The following URB2 variants were observed in gnomAD, a reference collection of about 807,000 sequenced individuals.
The protein encoded by URB2 is URB2 ribosome biogenesis homolog, also known as unhealthy ribosome biogenesis protein 2 homolog.
URB2 carries 86 observed loss-of-function variants against 120.9 expected under a neutral mutation model. The observed-to-expected ratio is 0.71, with a 90% CI of 0.60 to 0.85. The LOEUF (loss-of-function observed/expected upper bound fraction) is 0.85, where lower values mean the gene tolerates loss of function less well. URB2 is among the 40% of genes least tolerant of loss of function. URB2 has a pLI of 0.00. For missense variants in URB2, 1,765 were observed against 1,836.5 expected, an observed-to-expected ratio of 0.96 and a Z score of 0.71; for synonymous variants, 755 against 758.4, an observed-to-expected ratio of 1.00 and a Z score of 0.07.
Position 229,659,404 on chromosome 1 carries a change from G to T in URB2, c.*107G>T. 8.5e-7 allele frequency: 1 copy of T among 1,177,210 alleles called. No individual in the cohort carries two copies. The highest frequency in any genetic ancestry group is 1.2e-6 in the Non-Finnish European group (1 of 836,194). 72.9% of individuals were successfully genotyped at this position (1,177,210 alleles called of 1,614,324 possible). ...TTAAGATGTTCTAATTCGTAGTATT[G>T]GTATACATAGAAAATCCTTTGGGGT... On this transcript the variant is annotated 3_prime_UTR_variant, in exon 10 of 10. Coordinates refer to ENST00000258243, the MANE Select transcript of URB2 (RefSeq NM_014777.4).
At chr1:229,633,423 G>A (rs781002073) in intron 3 of URB2, among the ~76,000 whole-genome samples, 2 of 152,130 alleles carry the variant, frequency 1.3e-5, no homozygotes, top group Non-Finnish European at 2.9e-5. Context: ...TAAAATGTTA[G>A]TGCTGCAGCA....
intron 5 of URB2, among the ~76,000 whole-genome samples, chr1:229,645,116 C>G (rs1281911473): frequency 6.6e-6 from 1 of 151,938 alleles, no homozygotes; most frequent in Non-Finnish European, 1.5e-5. Flanking sequence ...GAAACCCCGT[C>G]CCTGCTAAAA....
intron 6 of URB2, 50 bp downstream of exon 6, chr1:229,646,019 T>G (rs1322765858): frequency 6.4e-7 from 1 of 1,563,768 alleles, no homozygotes; most frequent in African/African-American, 1.4e-5. Context: ...TCCCTCTTCC[T>G]GTAAAGACAG....
intron 2 of URB2, among the ~76,000 whole-genome samples, chr1:229,628,201 A>G (rs1306908719): frequency 6.9e-6 from 1 of 143,992 alleles, no homozygotes; most frequent in Non-Finnish European, 1.5e-5. Context: ...ATATATATGT[A>G]TATATATTAT....
chr1:229,655,369 G>A (rs1666381055), intron 9 of URB2, among the ~76,000 whole-genome samples: 1 of 152,094 alleles, frequency 6.6e-6, no homozygotes, highest in South Asian at 2.1e-4. Flanking sequence ...GAGTAGCTAG[G>A]ATTATAGGTG....
chr1:229,657,855 G>A (rs1384447535), intron 9 of URB2, among the ~76,000 whole-genome samples: 1 of 152,196 alleles, frequency 6.6e-6, no homozygotes, highest in Non-Finnish European at 1.5e-5. Context: ...CCCAGTGGTT[G>A]CCTTCGTGAA....
chr1:229,654,420 A>C (rs1388656545), intron 9 of URB2, 32 bp downstream of exon 9: 1 of 1,613,774 alleles, frequency 6.2e-7, no homozygotes, highest in Admixed American at 1.7e-5. Flanking sequence ...TTCACCAAGT[A>C]CTGTGTTTAT....
chr1:229,649,249 A>G (rs1666216445), intron 7 of URB2, among the ~76,000 whole-genome samples: 3 of 152,214 alleles, frequency 2.0e-5, no homozygotes. Context: ...GGTAAGCTAA[A>G]CACTCATGAC....
Position 229,636,086 on chromosome 1 carries a change from C to T in URB2, c.1473C>T (p.Ala491=), listed in dbSNP as rs149637103. The change falls in exon 4 of 10, where the codon GCC becomes GCT. Residue 491 remains alanine, a synonymous_variant. Coordinates refer to ENST00000258243, the MANE Select transcript of URB2 (RefSeq NM_014777.4). ...AAEALRQPVL[A]SGPSTVLSAC... ...AGGCACTGAGGCAGCCTGTGCTGGCCTCGGGCCCCTCCACGGTACTCTCTG... is the reference window on the plus strand; with the variant it reads ...AGGCACTGAGGCAGCCTGTGCTGGCTTCGGGCCCCTCCACGGTACTCTCTG... 162 of 1,614,248 alleles carry T rather than the reference C, an allele frequency of 1.0e-4. No homozygotes were observed. In the African/African-American group the frequency reaches 2.1e-3, roughly 21 times the overall value.
Position 229,647,613 on chromosome 1 carries a change from T to A in URB2, c.4010T>A (p.Ile1337Asn). ...CTGCTGCGGCAGGGGGAGGAGGCCA[T>A]CGGCAACCCCCACCACGTCAGCCTG... ...AALLRQGEEA[I>N]GNPHHVSLAF... Residue 1337 changes from isoleucine to asparagine, a missense_variant, in exon 7 of 10, where the codon ATC (isoleucine) becomes AAC (asparagine). By Grantham distance (149) the Ile-to-Asn change is moderately radical (BLOSUM62 -3). Coordinates refer to ENST00000258243, the MANE Select transcript of URB2 (RefSeq NM_014777.4). The A allele has an allele frequency of 1.2e-6, 2 of 1,614,164 alleles. No individual in the cohort carries two copies. The highest frequency in any genetic ancestry group is 2.2e-5 in the South Asian group (2 of 91,080).
At position 229,651,229 on chromosome 1, in the gene URB2, T is replaced by C. The variant is rs778960019; in HGVS notation, c.4150-6T>C. ...TACTTTTACATTCTGTTATCTGTCA[T>C]TACAGGTAATGCTGAAAGCCATCCC... On this transcript the variant is annotated splice_polypyrimidine_tract_variant and splice_region_variant and intron_variant, in intron 7 of 9. Coordinates refer to ENST00000258243, the MANE Select transcript of URB2 (RefSeq NM_014777.4). The C allele has an allele frequency of 4.4e-6, 7 of 1,600,852 alleles. No individual in the cohort carries two copies. The Admixed American group carries it at 1.2e-4, about 28-fold the overall frequency.
intron 5 of URB2, among the ~76,000 whole-genome samples, chr1:229,644,122 C>T (rs537137555): frequency 1.8e-4 from 27 of 152,344 alleles, no homozygotes; most frequent in African/African-American, 6.0e-4. Flanking sequence ...TGACAGAAGT[C>T]GCTAATACAG....
At chr1:229,634,770 G>C (rs534575521) in intron 3 of URB2, 147 bp from the exon 4 acceptor site, 1 of 683,648 alleles carries the variant, frequency 1.5e-6, no homozygotes, top group Non-Finnish European at 2.2e-6. Context: ...CTTATGTCAG[G>C]TTCATTGAAA....
intron 7 of URB2, 28 bp from the exon 8 acceptor site, chr1:229,651,207 T>C (rs1329631595): frequency 7.6e-6 from 12 of 1,580,476 alleles, no homozygotes; most frequent in East Asian, 2.3e-5. Context: ...ACGTATGTAC[T>C]TTTACATTCT....
rs1376732017 is a variant in URB2 at position 229,638,225 on chromosome 1, T to C, written c.3612T>C (p.His1204=). The C allele has an allele frequency of 1.9e-6, 3 of 1,607,494 alleles. No individual in the cohort carries two copies. The change falls in exon 4 of 10, where the codon CAT becomes CAC. Residue 1204 remains histidine, a synonymous_variant. Coordinates refer to ENST00000258243, the MANE Select transcript of URB2 (RefSeq NM_014777.4). ...KKDSVFTSMF[H]SVRRVLADPE... ...ACTCCGTGTTTACCTCCATGTTTCA[T>C]TCTGTGAGAAGAGTTCTTGCAGGTA...
intron 2 of URB2, among the ~76,000 whole-genome samples, chr1:229,630,777 C>T (rs1213463729): frequency 6.6e-6 from 1 of 151,980 alleles, no homozygotes; most frequent in East Asian, 1.9e-4. Flanking sequence ...CACCTGAGGC[C>T]AGGCGTTCGA....
Position 229,643,676 on chromosome 1 carries a change from T to C in URB2, c.3778T>C (p.Trp1260Arg). The change falls in exon 5 of 10, where the codon TGG (tryptophan) becomes CGG (arginine). Residue 1260 changes from tryptophan (W) to arginine (R), a missense_variant. Coordinates refer to ENST00000258243, the MANE Select transcript of URB2 (RefSeq NM_014777.4). ...CCAGGGACTGGATGTCAGTAACATG[T>C]GGAAAGCAGATGTGCAGGTGGGTGC... ...ILQGLDVSNM[W>R]KADVQAVVSA... 6.2e-7 allele frequency: 1 copy of C among 1,613,888 alleles called. No individual in the cohort carries two copies. The highest frequency in any genetic ancestry group is 8.5e-7 in the Non-Finnish European group (1 of 1,179,918).
intron 4 of URB2, among the ~76,000 whole-genome samples, chr1:229,641,681 G>A (rs1666015550): frequency 6.6e-6 from 1 of 152,202 alleles, no homozygotes; most frequent in African/African-American, 2.4e-5. Flanking sequence ...AATGCCTTCT[G>A]ACAGCAGAAC....
chr1:229,634,419 G>A (rs990133526), intron 3 of URB2, among the ~76,000 whole-genome samples: 14 of 152,146 alleles, frequency 9.2e-5, no homozygotes, highest in African/African-American at 3.1e-4. Context: ...TGGCCAGGCT[G>A]TTCTCAAACT....
Sources: gnomAD v4.1 joint callset for allele counts (sites outside exome capture counted in the v4.1 genomes callset) on GRCh38, gnomAD v4.1.1 for gene constraint, MANE v1.5 for transcripts, NCBI Gene and HGNC (gene_info 2026-07-23, HGNC 2026-07-21) for gene names.